The following HINFP variants were observed in gnomAD, a reference collection of about 807,000 sequenced individuals.
HINFP encodes the protein MBD2 (methyl-CpG-binding protein)-interacting zinc finger protein.
A neutral mutation model predicts 50.1 loss-of-function variants in HINFP; 20 were observed. The ratio of observed to expected loss-of-function variants is 0.40; its 90% CI spans 0.28 to 0.58. The LOEUF is 0.58. Among genes scored for constraint, HINFP ranks in the 20% least tolerant of loss-of-function variants. The probability of loss-of-function intolerance (pLI) is 0.45; values close to 1 mark genes in which losing one functional copy is unlikely to be tolerated. For missense variants in HINFP, 505 were observed against 664.1 expected, an observed-to-expected ratio of 0.76 and a Z score of 2.63; for synonymous variants, 247 against 243.7, an observed-to-expected ratio of 1.01 and a Z score of -0.13.
intron 5 of HINFP, 129 bp from the exon 6 acceptor site, chr11:119,132,367 A>G (rs1229351146): frequency 3.6e-6 from 3 of 844,364 alleles, no homozygotes; most frequent in Non-Finnish European, 5.6e-6. Context: ...TACTGTGTCC[A>G]TTCATAGCTC....
Position 119,132,964 on chromosome 11 carries a change from C to T in HINFP, c.976C>T (p.Leu326Phe). The change falls in exon 8 of 10, where the codon CTC becomes TTC. Residue 326 changes from leucine (L) to phenylalanine (F), a missense_variant. Physicochemically the swap from Leu to Phe is conservative, Grantham distance 22. Transcript: ENST00000350777. Reference sequence around the variant, plus strand: ...GAACTGCACCTTCAGTGCCCGATCCCTCTGCTCTATCAAGTCCCATTACCG... The same window carrying T: ...GAACTGCACCTTCAGTGCCCGATCCTTCTGCTCTATCAAGTCCCATTACCG... Reference protein sequence around the residue: ...FENCTFSARSLCSIKSHYRKV... With the variant: ...FENCTFSARSFCSIKSHYRKV... The T allele has an allele frequency of 6.2e-7, 1 of 1,614,246 alleles. No individual in the cohort carries two copies. Among genetic ancestry groups the T allele is most frequent in the Non-Finnish European group, 8.5e-7 (1 of 1,180,042 alleles).
chr11:119,127,078 A>G lies in HINFP; in HGVS notation c.134A>G (p.His45Arg), dbSNP rs750552918. ...ACTCAGCACCTGCAGCAGCACCTGC[A>G]TGGCTCTGGGGAGGAGGAGGAAGAG... ...HVTQHLQQHL[H>R]GSGEEEEEEE... The change falls in exon 2 of 10, where the codon CAT (histidine) becomes CGT (arginine). Residue 45 changes from histidine to arginine, a missense_variant. Coordinates refer to ENST00000350777, the MANE Select transcript of HINFP (RefSeq NM_198971.3). 15 of 1,614,016 alleles carry G rather than the reference A, an allele frequency of 9.3e-6. No individual in the cohort carries two copies. In the South Asian group the frequency reaches 1.5e-4, roughly 17 times the overall value.
In HINFP at chr11:119,131,029, G is replaced by T; in HGVS notation, c.411+75G>T. ...ACTCTGATGCCTTGTCCCTTTCAGG[G>T]ATGCCTTATATTTCCAAGATTCCTG... On this transcript the variant is annotated intron_variant, in intron 3 of 9. Transcript: ENST00000350777. This position sits in a 1 kb window ranked among gnomAD's most constrained non-coding sequence, Gnocchi z 4.2. 1 of 1,170,358 alleles carries T rather than the reference G, an allele frequency of 8.5e-7. No homozygotes were observed. Among genetic ancestry groups the T allele is most frequent in the Non-Finnish European group, 1.3e-6 (1 of 779,008 alleles). 72.5% of individuals were successfully genotyped at this position (1,170,358 alleles called of 1,614,324 possible). A position where few individuals can be genotyped will look rare whatever the true frequency, so the allele number is the denominator to read the frequency against.
chr11:119,130,965 A>G lies in HINFP; in HGVS notation c.411+11A>G. 6.2e-7 allele frequency: 1 copy of G among 1,610,364 alleles called. No individual in the cohort carries two copies. The highest frequency in any genetic ancestry group is 8.5e-7 in the Non-Finnish European group (1 of 1,176,544). On this transcript the variant is annotated intron_variant, in intron 3 of 9. Coordinates refer to ENST00000350777, the MANE Select transcript of HINFP (RefSeq NM_198971.3). ...TGGGAGCACTGTGAGGTCAGCAGGCAGTGCCAGTAATTGGGGTGGAAGGAA... is the reference window on the plus strand; with the variant it reads ...TGGGAGCACTGTGAGGTCAGCAGGCGGTGCCAGTAATTGGGGTGGAAGGAA...
intron 2 of HINFP, 197 bp from the exon 3 acceptor site, chr11:119,130,528 C>T (rs1947692408): frequency 1.7e-6 from 1 of 574,154 alleles, no homozygotes; most frequent in African/African-American, 1.9e-5. Flanking sequence ...ACACTTTTTA[C>T]TTGTTATAGT....
chr11:119,132,280 C>A (rs1947805562), intron 5 of HINFP: 1 of 623,278 alleles, frequency 1.6e-6, no homozygotes, highest in Admixed American at 2.9e-5. Flanking sequence ...AAATCACTTA[C>A]CTGAGATCAC....
In HINFP at chr11:119,130,456, T is replaced by A. The variant is rs1947689137; in HGVS notation, c.182-269T>A. The stretch of plus-strand genomic sequence containing the variant: ...CTGGTTGCAGTTTTATATTTATAGA[T>A]CTGATTATTTGATGAATATGCTTTC... On this transcript the variant is annotated intron_variant, in intron 2 of 9. Coordinates refer to ENST00000350777, the MANE Select transcript of HINFP (RefSeq NM_198971.3). 1.1e-5 allele frequency: 5 copies of A among 441,520 alleles called. No individual in the cohort carries two copies. The South Asian group carries it at 1.3e-4, about 11-fold the overall frequency. The allele number at this position is 441,520 out of a possible 1,614,324, so 27.4% of individuals were successfully genotyped here.
chr11:119,124,467 G>A (rs1227640149), intron 1 of HINFP: 1 of 152,154 alleles, frequency 6.6e-6, no homozygotes, highest in East Asian at 1.9e-4. Flanking sequence ...GCCGGCTAGT[G>A]TCCTCTCTCT....
At chr11:119,133,852 C>G (rs1027381940) in intron 9 of HINFP, 1 of 600,072 alleles carries the variant, frequency 1.7e-6, no homozygotes, top group Non-Finnish European at 2.9e-6. Flanking sequence ...GTCAGTCAGT[C>G]TCTGTTTTTC....
intron 1 of HINFP, 162 bp from the exon 2 acceptor site, chr11:119,126,773 G>A: frequency 1.7e-6 from 1 of 580,642 alleles, no homozygotes; most frequent in African/African-American, 1.9e-5. Context: ...ATCTTCCAGG[G>A]ATTTAAGGAA....
intron 1 of HINFP, chr11:119,123,721 T>TTG (rs1947227537): frequency 6.8e-6 from 1 of 146,984 alleles, no homozygotes; most frequent in Non-Finnish European, 1.5e-5. Flanking sequence ...TTTTTTTTTT[T>TTG]TTTTTTTTTT....
intron 9 of HINFP, 123 bp from the exon 10 acceptor site, chr11:119,133,961 C>T: frequency 1.5e-6 from 2 of 1,334,062 alleles, no homozygotes; most frequent in African/African-American, 1.5e-5. Flanking sequence ...TTGTCTTCAA[C>T]TCCTGTCACT....
At chr11:119,124,242 G>A (rs577062672) in intron 1 of HINFP, 5 of 152,400 alleles carry the variant, frequency 3.3e-5, no homozygotes, top group Non-Finnish European at 7.3e-5. Flanking sequence ...TGTAGGTACA[G>A]TAGGTATAGT....
intron 1 of HINFP, chr11:119,123,599 A>G (rs1947210245): frequency 1.3e-5 from 2 of 150,438 alleles, no homozygotes; most frequent in South Asian, 2.1e-4. Flanking sequence ...ATGGAGTACA[A>G]TGGTGTGATC....
At chr11:119,133,454 C>T (rs1947894991) in intron 9 of HINFP, 1 of 458,208 alleles carries the variant, frequency 2.2e-6, no homozygotes, top group East Asian at 4.5e-5. Context: ...TGGCACATGC[C>T]TGTAGTCCCA....
intron 1 of HINFP, chr11:119,121,950 T>G (rs1947085362): frequency 6.6e-6 from 1 of 152,352 alleles, no homozygotes; most frequent in Non-Finnish European, 1.5e-5. Context: ...GCCCCACTGC[T>G]TAGGGGAGAC....
intron 2 of HINFP, among the ~76,000 whole-genome samples, chr11:119,128,199 C>T (rs147579608): frequency 1.3e-5 from 2 of 152,088 alleles, no homozygotes; most frequent in Admixed American, 6.6e-5. Context: ...TTAGGTATGC[C>T]TTTTATCAAT....
chr11:119,127,147 A>G, intron 2 of HINFP, 22 bp downstream of exon 2: 1 of 1,573,832 alleles, frequency 6.4e-7, no homozygotes, highest in Non-Finnish European at 8.6e-7. Context: ...GGACACAGGA[A>G]GGGGAGGAGC....
At chr11:119,125,548 A>T (rs761698939) in intron 1 of HINFP, 1 of 152,156 alleles carries the variant, frequency 6.6e-6, no homozygotes, top group Non-Finnish European at 1.5e-5. Context: ...GTGGTGGCGC[A>T]TGCCTGTGGT....
Sources: allele counts gnomAD v4.1 joint callset (sites outside exome capture counted in the v4.1 genomes callset), GRCh38; gene constraint gnomAD v4.1.1; non-coding constraint Gnocchi (gnomAD v3.1); transcripts MANE v1.5; gene names NCBI Gene and HGNC (gene_info 2026-07-23, HGNC 2026-07-21).